Variants in HSD17B3 observed in about 807,000 individuals in gnomAD.
HSD17B3 encodes 17-beta-hydroxysteroid dehydrogenase type 3.
HSD17B3 carries 29 observed loss-of-function variants against 41.1 expected under a neutral mutation model. The observed-to-expected ratio is 0.71, with a 90% CI of 0.53 to 0.96. HSD17B3 has a LOEUF of 0.96. Among genes scored for constraint, HSD17B3 ranks in the 40% least tolerant of loss-of-function variants. HSD17B3 has a pLI of 0.00. For synonymous variants in HSD17B3, 126 were observed against 145.6 expected, an observed-to-expected ratio of 0.87 and a Z score of 0.97; for missense variants, 323 against 374.6, an observed-to-expected ratio of 0.86 and a Z score of 1.14.
chr9:96,294,022 A>T (rs1386339128), intron 2 of HSD17B3, among the ~76,000 whole-genome samples: 1 of 152,194 alleles, frequency 6.6e-6, no homozygotes, highest in Non-Finnish European at 1.5e-5. Flanking sequence ...TCCTTGGAGC[A>T]GCAGTTAGCA....
chr9:96,290,899 C>A (rs1310248259), intron 2 of HSD17B3, among the ~76,000 whole-genome samples: 5 of 151,894 alleles, frequency 3.3e-5, no homozygotes, highest in African/African-American at 1.2e-4. Flanking sequence ...ACTAGAGGAC[C>A]AGAAAAGGGG....
Position 96,250,560 on chromosome 9 carries a change from C to G in HSD17B3, c.454-774G>C, listed in dbSNP as rs990549607. 5.0e-6 allele frequency: 4 copies of G among 793,224 alleles called. No individual in the cohort carries two copies. The African/African-American group carries it at 7.4e-5, about 15-fold the overall frequency. The allele number at this position is 793,224 out of a possible 1,614,324, so 49.1% of individuals were successfully genotyped here. ...CCCTAATGACTCCAAAGGTCAGGGCCTAAGAAAGGGTCAACAAATTGTGCC... is the reference window on the plus strand; with the variant it reads ...CCCTAATGACTCCAAAGGTCAGGGCGTAAGAAAGGGTCAACAAATTGTGCC... On this transcript the variant is annotated intron_variant, in intron 5 of 10. Coordinates refer to ENST00000375263, the MANE Select transcript of HSD17B3 (RefSeq NM_000197.2).
intron 2 of HSD17B3, among the ~76,000 whole-genome samples, chr9:96,263,566 GA>G (rs1340861220): frequency 2.2e-5 from 3 of 138,730 alleles, no homozygotes; most frequent in Non-Finnish European, 3.1e-5. Context: ...AAAAAAAAAA[GA>G]AAAAAAAATC....
In HSD17B3 at chr9:96,236,346, G is replaced by A. The variant is rs147966139; in HGVS notation, c.823-776C>T. ...AGCCTGGCCAACATGGTGAAACCCC[G>A]TCTCTACTAAAAAGACAAAAATTAG... On this transcript the variant is annotated intron_variant, in intron 10 of 10. Transcript: ENST00000375263. Among the ~76,000 whole-genome samples, 244 of 151,242 alleles carry A rather than the reference G, an allele frequency of 1.6e-3. 2 individuals are homozygous for A. Among genetic ancestry groups the A allele is most frequent in the Middle Eastern group, 6.8e-3 (2 of 292 alleles).
chr9:96,283,744 C>T (rs1171137913), intron 2 of HSD17B3, among the ~76,000 whole-genome samples: 2 of 152,076 alleles, frequency 1.3e-5, no homozygotes, highest in East Asian at 3.9e-4. Context: ...TTGTTTTGGT[C>T]CTCTTTGGAA....
At chr9:96,249,992 A>T (rs536660962) in intron 5 of HSD17B3, 2 of 1,465,238 alleles carry the variant, frequency 1.4e-6, no homozygotes, top group East Asian at 5.0e-5. Context: ...GTCATTCTGT[A>T]CCCACGTCAT....
intron 2 of HSD17B3, among the ~76,000 whole-genome samples, chr9:96,297,410 G>A (rs1290174888): frequency 2.2e-5 from 3 of 137,566 alleles, no homozygotes; most frequent in Non-Finnish European, 3.0e-5. Flanking sequence ...GCAATGGTGC[G>A]ATCTCAGCTC....
At chr9:96,255,367 CTTTTTTTTTTTTTTTTTTTTTTTTT>C (rs869145717) in intron 2 of HSD17B3, among the ~76,000 whole-genome samples, 6 of 54,546 alleles carry the variant, frequency 1.1e-4, no homozygotes, top group African/African-American at 2.0e-4. Flanking sequence ...CCCAACATTT[CTTTTTTTTTTTTTTTTTTTTTTTTT>C]TTTTTTTTTT....
chr9:96,280,242 G>C (rs192317195), intron 2 of HSD17B3, among the ~76,000 whole-genome samples: 10 of 152,184 alleles, frequency 6.6e-5, no homozygotes, highest in Non-Finnish European at 8.8e-5. Flanking sequence ...GGGTCCATTC[G>C]ATTGGTTGGG....
chr9:96,254,756 C>T (rs1397562449), intron 3 of HSD17B3, 112 bp downstream of exon 3: 5 of 901,964 alleles, frequency 5.5e-6, no homozygotes, highest in South Asian at 4.2e-5. Flanking sequence ...AGAGCTGGTG[C>T]CCCAGGCTCT....
At chr9:96,283,571 A>T (rs1333136582) in intron 2 of HSD17B3, among the ~76,000 whole-genome samples, 1 of 152,176 alleles carries the variant, frequency 6.6e-6, no homozygotes, top group African/African-American at 2.4e-5. Context: ...AATAATGGGA[A>T]ATTCCTATAA....
chr9:96,280,049 G>A (rs963763196), intron 2 of HSD17B3, among the ~76,000 whole-genome samples: 5 of 152,118 alleles, frequency 3.3e-5, no homozygotes, highest in African/African-American at 9.7e-5. Flanking sequence ...GACTACAGGC[G>A]TGAGCCACTG....
At chr9:96,261,357 G>A (rs1463569655) in intron 2 of HSD17B3, among the ~76,000 whole-genome samples, 1 of 152,170 alleles carries the variant, frequency 6.6e-6, no homozygotes, top group Non-Finnish European at 1.5e-5. Flanking sequence ...CACCATGCCC[G>A]GCTAATTTTT....
chr9:96,236,617 TG>T, intron 10 of HSD17B3, among the ~76,000 whole-genome samples: 1 of 152,212 alleles, frequency 6.6e-6, no homozygotes, highest in African/African-American at 2.4e-5. Context: ...CAAGGCATAG[TG>T]GGCGCTAAGG....
At chr9:96,261,385 G>A (rs956446285) in intron 2 of HSD17B3, among the ~76,000 whole-genome samples, 7 of 152,174 alleles carry the variant, frequency 4.6e-5, no homozygotes, top group Admixed American at 2.6e-4. Context: ...TAGTGGAGAC[G>A]GGGTTTCGCC....
In HSD17B3 at chr9:96,244,518, C is replaced by T. The variant is rs2066473; in HGVS notation, c.607-124G>A. ...CTAGACCTTAAAATAGAGTGGGGAG[C>T]TCTGGGTACGGAGGGTACGGAGTTT... is the stretch of plus-strand genomic sequence containing the variant. On this transcript the variant is annotated intron_variant, in intron 8 of 10. Transcript: ENST00000375263. 1,636 of 882,240 alleles carry T rather than the reference C, an allele frequency of 1.9e-3. 14 individuals are homozygous for T. The African/African-American group carries it at 0.024, about 13-fold the overall frequency. The allele number at this position is 882,240 out of a possible 1,614,324, so 54.7% of individuals were successfully genotyped here.
intron 2 of HSD17B3, among the ~76,000 whole-genome samples, chr9:96,268,416 A>G (rs1826118405): frequency 1.3e-5 from 2 of 152,222 alleles, no homozygotes; most frequent in Non-Finnish European, 2.9e-5. Flanking sequence ...AATATAAATT[A>G]CCAAAACTGG....
At chr9:96,286,031 T>C (rs1390382716) in intron 2 of HSD17B3, among the ~76,000 whole-genome samples, 1 of 152,136 alleles carries the variant, frequency 6.6e-6, no homozygotes, top group Non-Finnish European at 1.5e-5. Context: ...AAGATACAGG[T>C]CATAAAGACC....
intron 4 of HSD17B3, among the ~76,000 whole-genome samples, chr9:96,251,721 A>T (rs576596591): frequency 5.5e-4 from 84 of 152,346 alleles, no homozygotes; most frequent in Non-Finnish European, 9.8e-4. Flanking sequence ...GGCTGCTTAC[A>T]TGGGAGAACA....
Sources: gnomAD v4.1 joint callset for allele counts (sites outside exome capture counted in the v4.1 genomes callset) on GRCh38, gnomAD v4.1.1 for gene constraint, MANE v1.5 for transcripts, NCBI Gene and HGNC (gene_info 2026-07-23, HGNC 2026-07-21) for gene names.